Variants in TNRC6B observed in about 807,000 individuals in gnomAD.
The protein encoded by TNRC6B is trinucleotide repeat-containing gene 6B protein.
TNRC6B carries 52 observed loss-of-function variants against 203.6 expected under a neutral mutation model. The ratio of observed to expected loss-of-function variants is 0.26; its 90% CI spans 0.20 to 0.32. TNRC6B has a LOEUF of 0.32. Ranked by LOEUF, TNRC6B falls within the 10% of genes least tolerant of loss-of-function variation. TNRC6B has a pLI of 1.00. For missense variants in TNRC6B, 1,923 were observed against 2,286.2 expected (o/e 0.84, Z 3.24); for synonymous variants, 838 against 845.7 (o/e 0.99, Z 0.16).
intron 21 of TNRC6B, 52 bp downstream of exon 21, chr22:40,316,064 A>G: frequency 6.4e-7 from 1 of 1,558,860 alleles, no homozygotes; most frequent in Non-Finnish European, 8.8e-7. Context: ...GTATTAAGAG[A>G]GAGGGAAAGG....
intron 21 of TNRC6B, 116 bp downstream of exon 21, chr22:40,316,128 G>A: frequency 3.6e-6 from 3 of 841,828 alleles, no homozygotes; most frequent in Non-Finnish European, 5.7e-6. Flanking sequence ...GCCGAGGCGG[G>A]TGCATCACGA....
intron 3 of TNRC6B, among the ~76,000 whole-genome samples, chr22:40,152,563 T>C (rs1013088585): frequency 2.0e-5 from 3 of 151,988 alleles, no homozygotes; most frequent in Non-Finnish European, 4.4e-5. Context: ...CTCCTGACCT[T>C]GTGATCCGCC....
At chr22:40,150,974 C>T (rs186972682) in intron 3 of TNRC6B, among the ~76,000 whole-genome samples, 128 of 152,270 alleles carry the variant, frequency 8.4e-4, no homozygotes, top group Middle Eastern at 3.4e-3. Flanking sequence ...CAAAATCAAG[C>T]TCTTTAGGGT....
At position 40,254,747 on chromosome 22, in the gene TNRC6B, C is replaced by T. The variant is rs187135576; in HGVS notation, c.115+3547C>T. 2.6e-3 allele frequency among the ~76,000 whole-genome samples: 398 copies of T among 152,130 alleles called. 1 individual carries two copies. Among genetic ancestry groups the T allele is most frequent in the South Asian group, 4.4e-3 (21 of 4,822 alleles). The stretch of plus-strand genomic sequence containing the variant: ...CTAAAAATACAAAAAATTAGCCAGG[C>T]GTGGTGGCATGTGCCTGTAGTCCCA... On this transcript the variant is annotated intron_variant, in intron 3 of 22. Transcript: ENST00000454349.
At chr22:40,206,662 G>A (rs1373811178) in intron 1 of TNRC6B, among the ~76,000 whole-genome samples, 7 of 152,294 alleles carry the variant, frequency 4.6e-5, no homozygotes, top group East Asian at 1.9e-4. Context: ...ATCCCTTGCC[G>A]TAAAGCTGTA....
chr22:40,054,482 C>T (rs899840376), intron 1 of TNRC6B, among the ~76,000 whole-genome samples: 6 of 152,196 alleles, frequency 3.9e-5, no homozygotes, highest in African/African-American at 1.4e-4. Flanking sequence ...AATGCCTCTT[C>T]AATCCTGAGC....
At chr22:40,084,948 C>T (rs1264633738) in intron 1 of TNRC6B, among the ~76,000 whole-genome samples, 2 of 152,226 alleles carry the variant, frequency 1.3e-5, no homozygotes, top group African/African-American at 4.8e-5. Flanking sequence ...CCCTCTCCTG[C>T]TGAACAGGGC....
chr22:40,296,564 C>A (rs1237487229), intron 12 of TNRC6B, among the ~76,000 whole-genome samples: 2 of 151,842 alleles, frequency 1.3e-5, no homozygotes, highest in East Asian at 3.9e-4. Flanking sequence ...GATCTCCTCA[C>A]CTCGTGACCC....
chr22:40,259,013 TG>T, intron 3 of TNRC6B, among the ~76,000 whole-genome samples: 2 of 152,326 alleles, frequency 1.3e-5, no homozygotes, highest in East Asian at 3.9e-4. Flanking sequence ...TAGCTCTTTC[TG>T]TCCTAAAAAC....
chr22:40,055,773 A>G (rs1421301991), intron 1 of TNRC6B, among the ~76,000 whole-genome samples: 1 of 152,202 alleles, frequency 6.6e-6, no homozygotes, highest in Non-Finnish European at 1.5e-5. Context: ...AGTGACTTCT[A>G]GATCACCTGA....
At position 40,130,330 on chromosome 22, in the gene TNRC6B, G is replaced by A. The variant is rs536157598; in HGVS notation, c.45+4468G>A. 5.3e-5 allele frequency among the ~76,000 whole-genome samples: 8 copies of A among 152,296 alleles called. No homozygotes were observed. In the South Asian group the frequency reaches 1.7e-3, roughly 32 times the overall value. Reference sequence around the variant, plus strand: ...TTGGAGGAGGAAAGAAAGAAAGGAAGTGGGTTCAGCTTTTCTTTGTATTGC... The same window carrying A: ...TTGGAGGAGGAAAGAAAGAAAGGAAATGGGTTCAGCTTTTCTTTGTATTGC... On this transcript the variant is annotated intron_variant, in intron 3 of 23. Transcript: ENST00000301923.
intron 1 of TNRC6B, among the ~76,000 whole-genome samples, chr22:40,204,030 TAATA>T (rs1394063144): frequency 2.0e-5 from 3 of 152,228 alleles, no homozygotes; most frequent in Non-Finnish European, 1.5e-5. Context: ...ATTCGCTTCT[TAATA>T]AATAAAAGCG....
At chr22:40,126,580 ATTTTTTTTTTTTT>A (rs955369459) in intron 3 of TNRC6B, among the ~76,000 whole-genome samples, 3 of 88,784 alleles carry the variant, frequency 3.4e-5, no homozygotes, top group African/African-American at 1.5e-4. Context: ...ACGTTATTTA[ATTTTTTTTTTTTT>A]TTTTTTTTTT....
intron 4 of TNRC6B, among the ~76,000 whole-genome samples, chr22:40,171,528 A>G (rs1394498983): frequency 1.3e-5 from 2 of 152,088 alleles, no homozygotes; most frequent in Non-Finnish European, 2.9e-5. Context: ...GCATTTATTA[A>G]TTTTTGTGGT....
At position 40,131,065 on chromosome 22, in the gene TNRC6B, G is replaced by T. The variant is rs1309968656; in HGVS notation, c.45+5203G>T. Among the ~76,000 whole-genome samples the T allele has an allele frequency of 2.0e-5, 3 of 151,602 alleles. No homozygotes were observed. The South Asian group carries it at 6.2e-4, about 32-fold the overall frequency. ...TTGACAGGCGCCTGCCGCCACGCCC[G>T]GATAATTTTTTGCCCAGATAATTTT... is the stretch of plus-strand genomic sequence containing the variant. On this transcript the variant is annotated intron_variant, in intron 3 of 23. Coordinates refer to the TNRC6B transcript ENST00000301923.
chr22:40,331,670 T>TTTAA lies in TNRC6B; in HGVS notation c.*8429_*8430insTTAA, dbSNP rs2071468433. On this transcript the variant is annotated 3_prime_UTR_variant, in exon 23 of 23. Coordinates refer to ENST00000454349, the MANE Select transcript of TNRC6B (RefSeq NM_001162501.2). The stretch of plus-strand genomic sequence containing the variant: ...ATTTTTTTTTTTTTTTTTTTTTTTT[T>TTTAA]CAAAAAAAAAAGTCCCACATGTGGT... The TTTAA allele has an allele frequency of 5.2e-6, 1 of 190,830 alleles. No homozygotes were observed. 11.8% of individuals were successfully genotyped at this position (190,830 alleles called of 1,614,324 possible). A position where few individuals can be genotyped will look rare whatever the true frequency, so the allele number is the denominator to read the frequency against.
chr22:40,082,720 G>A (rs1476504976), intron 1 of TNRC6B, among the ~76,000 whole-genome samples: 1 of 152,218 alleles, frequency 6.6e-6, no homozygotes, highest in East Asian at 1.9e-4. Flanking sequence ...CAGAGAAATG[G>A]AGAACAGTGA....
Position 40,300,568 on chromosome 22 carries a change from A to G in TNRC6B, c.3822A>G (p.Gln1274=), listed in dbSNP as rs773753976. 3.7e-6 allele frequency: 6 copies of G among 1,610,942 alleles called. No individual in the cohort carries two copies. Among genetic ancestry groups the G allele is most frequent in the African/African-American group, 2.7e-5 (2 of 74,668 alleles). ...TTGCCATGCTGAGCCAGCTTCCACA[A>G]ATTCCCCAGTTTCAGTTGGTAAGTA... ...QQIAMLSQLP[Q]IPQFQLACQL... is the part of the protein sequence containing the mutation. The change falls in exon 13 of 23, where the codon CAA becomes CAG. Residue 1274 remains glutamine, a synonymous_variant. Transcript: ENST00000454349.
rs79111570 is a variant in TNRC6B, at chr22:40,261,995, G to T, written c.279G>T (p.Pro93=). ...AARYMPREVP[P]RFRCQQDHKV... is the part of the protein sequence containing the mutation. The stretch of plus-strand genomic sequence containing the variant: ...GCTACATGCCTCGGGAGGTGCCGCC[G>T]CGATTCCGTTGCCAGCAGGACCACA... Residue 93 remains proline, a synonymous_variant, in exon 4 of 23, where the codon CCG becomes CCT. Transcript: ENST00000454349. The T allele has an allele frequency of 6.2e-7, 1 of 1,610,452 alleles. No homozygotes were observed. Among genetic ancestry groups the T allele is most frequent in the East Asian group, 2.2e-5 (1 of 44,798 alleles).
Sources: gnomAD v4.1 joint callset for allele counts (sites outside exome capture counted in the v4.1 genomes callset) on GRCh38, gnomAD v4.1.1 for gene constraint, MANE v1.5 for transcripts, NCBI Gene and HGNC (gene_info 2026-07-23, HGNC 2026-07-21) for gene names.